SPHKAP: variants seen among roughly 807,000 people sequenced by gnomAD.
SPHKAP encodes the protein SPHK1 interactor, AKAP domain containing.
Under a neutral mutation model 137.5 loss-of-function variants are expected in SPHKAP, and 67 were observed. The observed-to-expected ratio is 0.49, with a 90% CI of 0.40 to 0.60. SPHKAP has a LOEUF of 0.60. Ranked by LOEUF, SPHKAP falls within the 20% of genes least tolerant of loss-of-function variation. SPHKAP has a pLI of 0.00. For missense variants in SPHKAP, 2,097 were observed against 2,069.3 expected (o/e 1.01, Z -0.26); for synonymous variants, 813 against 785.3 (o/e 1.04, Z -0.59).
In SPHKAP at chr2:227,980,175, T is replaced by C. The variant is rs1244606621; in HGVS notation, c.*1542A>G. ...GCACATTTCAGCGTGAATTGATGGA[T>C]ATATTTTAAAACTGGGCATTTAGTT... On this transcript the variant is annotated 3_prime_UTR_variant, in exon 12 of 12. Transcript: ENST00000392056. 6.6e-6 allele frequency: 1 copy of C among 152,610 alleles called. No homozygotes were observed. The highest frequency in any genetic ancestry group is 1.5e-5 in the Non-Finnish European group (1 of 68,036). 9.5% of individuals were successfully genotyped at this position (152,610 alleles called of 1,614,324 possible). A position where few individuals can be genotyped will look rare whatever the true frequency, so the allele number is the denominator to read the frequency against.
intron 2 of SPHKAP, among the ~76,000 whole-genome samples, chr2:228,110,589 T>C (rs1698487633): frequency 1.3e-5 from 2 of 151,954 alleles, no homozygotes; most frequent in South Asian, 2.1e-4. Flanking sequence ...TTTCAGAGAG[T>C]GCAGCAATCA....
At chr2:228,034,614 T>G (rs1342645579) in intron 3 of SPHKAP, among the ~76,000 whole-genome samples, 1 of 152,122 alleles carries the variant, frequency 6.6e-6, no homozygotes, top group Non-Finnish European at 1.5e-5. Flanking sequence ...TGATGAACAT[T>G]GATGCAAAAA....
At chr2:228,177,441 A>C (rs1168173002) in intron 1 of SPHKAP, among the ~76,000 whole-genome samples, 1 of 152,204 alleles carries the variant, frequency 6.6e-6, no homozygotes, top group Non-Finnish European at 1.5e-5. Context: ...ACAGAGAATG[A>C]AGTTAAGTGT....
At chr2:228,056,648 G>A (rs1248298911) in intron 3 of SPHKAP, among the ~76,000 whole-genome samples, 1 of 152,002 alleles carries the variant, frequency 6.6e-6, no homozygotes, top group African/African-American at 2.4e-5. Context: ...GCACGAGCCA[G>A]AGGAAATCAC....
intron 1 of SPHKAP, among the ~76,000 whole-genome samples, chr2:228,167,836 T>C (rs1312898655): frequency 6.6e-6 from 1 of 152,158 alleles, no homozygotes; most frequent in Non-Finnish European, 1.5e-5. Context: ...TCTCTTAGTA[T>C]CTTTGGCAGC....
chr2:228,054,944 AACCTGGCTAAC>A, intron 3 of SPHKAP, among the ~76,000 whole-genome samples: 1 of 152,036 alleles, frequency 6.6e-6, no homozygotes, highest in Non-Finnish European at 1.5e-5. Context: ...GTTCGAGACC[AACCTGGCTAAC>A]ATGGTGAAAC....
chr2:228,078,090 C>A (rs1269204667), intron 3 of SPHKAP, among the ~76,000 whole-genome samples: 3 of 152,188 alleles, frequency 2.0e-5, no homozygotes, highest in African/African-American at 7.2e-5. Context: ...GAGGCCTCTC[C>A]AGCCACTGGA....
intron 3 of SPHKAP, among the ~76,000 whole-genome samples, chr2:228,054,333 G>A (rs774632839): frequency 6.6e-6 from 1 of 152,066 alleles, no homozygotes; most frequent in Non-Finnish European, 1.5e-5. Flanking sequence ...TTCTCTGGTG[G>A]GAGAATCATG....
intron 2 of SPHKAP, among the ~76,000 whole-genome samples, chr2:228,125,473 G>A (rs996205155): frequency 1.3e-5 from 2 of 152,226 alleles, no homozygotes; most frequent in Non-Finnish European, 2.9e-5. Flanking sequence ...AAACCTTTTT[G>A]TATGTAAGTA....
chr2:228,164,800 G>T (rs1250588855), intron 1 of SPHKAP, among the ~76,000 whole-genome samples: 2 of 152,158 alleles, frequency 1.3e-5, no homozygotes, highest in African/African-American at 4.8e-5. Flanking sequence ...CTGCTGGTCT[G>T]GCTGCCAGAG....
chr2:228,027,978 AAAAAAG>A, intron 3 of SPHKAP: 2 of 970,402 alleles, frequency 2.1e-6, no homozygotes, highest in Non-Finnish European at 2.4e-6. Context: ...AAAAAAAAAG[AAAAAAG>A]AAAAAAAGAA....
intron 1 of SPHKAP, among the ~76,000 whole-genome samples, chr2:228,162,865 A>AT (rs59742648): frequency 0.11 from 16,408 of 152,074 alleles, 1,026 homozygotes; most frequent in East Asian, 0.2. Flanking sequence ...CACCTGGCTA[A>AT]TTTTTGTAAT....
chr2:228,129,405 T>A (rs1044901715), intron 2 of SPHKAP, among the ~76,000 whole-genome samples: 37 of 152,200 alleles, frequency 2.4e-4, no homozygotes, highest in Non-Finnish European at 4.7e-4. Context: ...TTATGAATTA[T>A]GATATGACTT....
At chr2:228,086,514 G>C (rs192478518) in intron 3 of SPHKAP, among the ~76,000 whole-genome samples, 2 of 152,136 alleles carry the variant, frequency 1.3e-5, no homozygotes, top group Non-Finnish European at 2.9e-5. Flanking sequence ...AAGCCAAGAA[G>C]CTGGGGACTC....
chr2:227,982,341 A>G (rs1693031915), intron 11 of SPHKAP: 20 of 985,214 alleles, frequency 2.0e-5, no homozygotes, highest in Non-Finnish European at 2.2e-5. Flanking sequence ...TTCCATCCTG[A>G]GAAGCAACTC....
rs1476123995 is a variant in SPHKAP at position 228,017,636 on chromosome 2, T to C, written c.3218A>G (p.Asp1073Gly). 1.9e-6 allele frequency: 3 copies of C among 1,613,816 alleles called. No individual in the cohort carries two copies. The highest frequency in any genetic ancestry group is 2.5e-6 in the Non-Finnish European group (3 of 1,180,038). Residue 1073 changes from aspartate to glycine, a missense_variant, in exon 7 of 12, where the codon GAC (aspartate) becomes GGC (glycine). Coordinates refer to ENST00000392056, the MANE Select transcript of SPHKAP (RefSeq NM_001142644.2). ...GGAGGCCTTCAGCCGGCTCCACCTG[T>C]CGCCACTCAGTAACCGATTCCGGGG... The part of the protein sequence containing the change: ...GYPRNRLLSG[D>G]RWSRLKASSC...
chr2:228,053,503 G>T (rs527345496), intron 3 of SPHKAP, among the ~76,000 whole-genome samples: 4 of 152,146 alleles, frequency 2.6e-5, no homozygotes, highest in Admixed American at 6.5e-5. Context: ...TTGGATCTTG[G>T]TGGTACACAG....
chr2:228,091,519 C>A (rs767382924), intron 3 of SPHKAP, among the ~76,000 whole-genome samples: 14 of 152,096 alleles, frequency 9.2e-5, no homozygotes, highest in African/African-American at 2.9e-4. Flanking sequence ...ATCTATACAC[C>A]TGACAAAGAC....
At chr2:228,168,241 A>G (rs912197028) in intron 1 of SPHKAP, among the ~76,000 whole-genome samples, 6 of 152,156 alleles carry the variant, frequency 3.9e-5, no homozygotes, top group Non-Finnish European at 8.8e-5. Flanking sequence ...CTGTTGTTTT[A>G]AAGAAAATGA....
Sources: gnomAD v4.1 joint callset for allele counts (sites outside exome capture counted in the v4.1 genomes callset) on GRCh38, gnomAD v4.1.1 for gene constraint, MANE v1.5 for transcripts, NCBI Gene and HGNC (gene_info 2026-07-23, HGNC 2026-07-21) for gene names.